The following NSA2 variants were observed in gnomAD, a reference collection of about 807,000 sequenced individuals.
NSA2 encodes the protein ribosome biogenesis protein NSA2 homolog.
NSA2 carries 18 observed loss-of-function variants against 34.8 expected under a neutral mutation model. The ratio of observed to expected loss-of-function variants is 0.52; its 90% CI spans 0.36 to 0.77. NSA2 has a LOEUF of 0.77. Ranked by LOEUF, NSA2 falls within the 30% of genes least tolerant of loss-of-function variation. NSA2 has a pLI of 0.00. For missense variants in NSA2, 188 were observed against 314.7 expected (o/e 0.60, Z 3.05); for synonymous variants, 79 against 100.2 (o/e 0.79, Z 1.26).
At position 74,779,720 on chromosome 5, in the gene NSA2, T is replaced by C. The variant is rs1416416366; in HGVS notation, c.*3049T>C. The C allele has an allele frequency of 6.6e-6, 1 of 152,162 alleles. No homozygotes were observed. Among genetic ancestry groups the C allele is most frequent in the Admixed American group, 6.5e-5 (1 of 15,268 alleles). The allele number at this position is 152,162 out of a possible 1,614,324, so 9.4% of individuals were successfully genotyped here. ...TGAAATAATCTGGCTTACCTTTGAC[T>C]AATTAAAGAAAATATAGGGTAATAC... On this transcript the variant is annotated 3_prime_UTR_variant, in exon 6 of 6. Transcript: ENST00000610426.
chr5:74,767,912 C>T (rs1216362086), intron 1 of NSA2, among the ~76,000 whole-genome samples: 2 of 152,190 alleles, frequency 1.3e-5, no homozygotes, highest in Non-Finnish European at 2.9e-5. Context: ...GTGATTGCTG[C>T]AAAGTTTATG....
At chr5:74,772,521 T>G (rs191761035) in intron 4 of NSA2, among the ~76,000 whole-genome samples, 2 of 152,304 alleles carry the variant, frequency 1.3e-5, no homozygotes, top group Admixed American at 1.3e-4. Flanking sequence ...ACATATTGCA[T>G]AACCCCTACC....
chr5:74,767,326 C>T lies in NSA2; in HGVS notation c.-35C>T. On this transcript the variant is annotated 5_prime_UTR_variant, in exon 1 of 6. Transcript: ENST00000610426. ...GAAAATTGAGAGCGTTTTCGCACTC[C>T]AGCGGCTGCTCCTGGCGGCTCTGCG... 1 of 1,613,432 alleles carries T rather than the reference C, an allele frequency of 6.2e-7. No individual in the cohort carries two copies. Among genetic ancestry groups the T allele is most frequent in the Non-Finnish European group, 8.5e-7 (1 of 1,179,576 alleles).
At position 74,777,683 on chromosome 5, in the gene NSA2, T is replaced by C. The variant is rs1298061082; in HGVS notation, c.*1012T>C. ...ATTCAATGTCTAAACAAATTCAGTA[T>C]CTGAAACATCTTCATGAGGAAAACT... On this transcript the variant is annotated 3_prime_UTR_variant, in exon 6 of 6. Transcript: ENST00000610426. The C allele has an allele frequency of 2.0e-5, 3 of 151,920 alleles. No homozygotes were observed. The highest frequency in any genetic ancestry group is 7.2e-5 in the African/African-American group (3 of 41,400). The allele number at this position is 151,920 out of a possible 1,614,324, so 9.4% of individuals were successfully genotyped here. A position where few individuals can be genotyped will look rare whatever the true frequency, so the allele number is the denominator to read the frequency against.
chr5:74,772,317 G>A lies in NSA2; in HGVS notation c.522+1507G>A, dbSNP rs190741775. ...TTTTTTTGTATTTTTTTGTAGAGAC[G>A]GGGTTTCACCGTGTTAGCCAGGATG... On this transcript the variant is annotated intron_variant, in intron 4 of 5. Transcript: ENST00000610426. Among the ~76,000 whole-genome samples, 21 of 152,048 alleles carry A rather than the reference G, an allele frequency of 1.4e-4. No homozygotes were observed. The East Asian group carries it at 2.3e-3, about 17-fold the overall frequency.
intron 3 of NSA2, among the ~76,000 whole-genome samples, chr5:74,770,048 C>T (rs750097083): frequency 2.5e-4 from 38 of 152,060 alleles, no homozygotes; most frequent in Non-Finnish European, 4.7e-4. Flanking sequence ...AAGTCACTAT[C>T]GGCTGGGCAC....
At position 74,777,211 on chromosome 5, in the gene NSA2, A is replaced by AAAC. The variant is rs1370754594; in HGVS notation, c.*542_*544dup. ...CAAAGGTCTAGTGAATTCACATTCTAAACATTTTTTTCATCTCATTTACCA... is the reference window on the plus strand; with the variant it reads ...CAAAGGTCTAGTGAATTCACATTCTAAACAACATTTTTTTCATCTCATTTACCA... On this transcript the variant is annotated 3_prime_UTR_variant, in exon 6 of 6. Coordinates refer to ENST00000610426, the MANE Select transcript of NSA2 (RefSeq NM_014886.6). 1 of 152,218 alleles carries AAAC rather than the reference A, an allele frequency of 6.6e-6. No homozygotes were observed. The highest frequency in any genetic ancestry group is 2.4e-5 in the African/African-American group (1 of 41,464). The allele number at this position is 152,218 out of a possible 1,614,324, so 9.4% of individuals were successfully genotyped here.
At chr5:74,768,549 C>T (rs1744797048) in intron 1 of NSA2, among the ~76,000 whole-genome samples, 2 of 152,174 alleles carry the variant, frequency 1.3e-5, no homozygotes, top group South Asian at 4.1e-4. Context: ...GAACTGTATA[C>T]CTAAAAAGGA....
At position 74,767,281 on chromosome 5, in the gene NSA2, C is replaced by T. The variant is rs1442582446; in HGVS notation, c.-80C>T. On this transcript the variant is annotated 5_prime_UTR_variant, in exon 1 of 6. Transcript: ENST00000610426. ...CCTGTCCCGGCCTGCGTGGTGTGGG[C>T]TTGTGGGTCTTTGAGACCCGAAAAT... is the stretch of plus-strand genomic sequence containing the variant. 1.9e-6 allele frequency: 3 copies of T among 1,575,394 alleles called. No individual in the cohort carries two copies. The highest frequency in any genetic ancestry group is 1.7e-6 in the Non-Finnish European group (2 of 1,146,382).
At position 74,776,969 on chromosome 5, in the gene NSA2, T is replaced by C. The variant is rs78395208; in HGVS notation, c.*298T>C. The C allele has an allele frequency of 5.9e-3, 1,317 of 221,586 alleles. 4 individuals carry two copies. Among genetic ancestry groups the C allele is most frequent in the Admixed American group, 8.9e-3 (160 of 18,078 alleles). The allele number at this position is 221,586 out of a possible 1,614,324, so 13.7% of individuals were successfully genotyped here. ...TTCCTGAAAAAACCACCAGTGTTCA[T>C]TGAAAATGCCTTTCAAAAAGGTTAA... On this transcript the variant is annotated 3_prime_UTR_variant, in exon 6 of 6. Coordinates refer to ENST00000610426, the MANE Select transcript of NSA2 (RefSeq NM_014886.6).
intron 3 of NSA2, 138 bp from the exon 4 acceptor site, chr5:74,770,493 G>C: frequency 1.6e-6 from 1 of 616,030 alleles, no homozygotes. Flanking sequence ...CAGACCTCTA[G>C]AAGACGGTTG....
intron 3 of NSA2, 99 bp downstream of exon 3, chr5:74,769,463 C>T: frequency 3.2e-5 from 31 of 961,552 alleles, no homozygotes; most frequent in Non-Finnish European, 4.7e-5. Flanking sequence ...ACATGAAGTA[C>T]AGCTATTATT....
rs1342755715 is a variant in NSA2 at position 74,779,579 on chromosome 5, A to G, written c.*2908A>G. 1 of 152,164 alleles carries G rather than the reference A, an allele frequency of 6.6e-6. No homozygotes were observed. Among genetic ancestry groups the G allele is most frequent in the Admixed American group, 6.5e-5 (1 of 15,278 alleles). 9.4% of individuals were successfully genotyped at this position (152,164 alleles called of 1,614,324 possible). On this transcript the variant is annotated 3_prime_UTR_variant, in exon 6 of 6. Transcript: ENST00000610426. ...ACAGAAGTTTCTCATAAAATGTATA[A>G]AACAGCATAAATGTTTGGTAGATTC...
At chr5:74,776,460 G>A (rs1279353886) in intron 5 of NSA2, 144 bp from the exon 6 acceptor site, 5 of 582,568 alleles carry the variant, frequency 8.6e-6, no homozygotes, top group African/African-American at 5.7e-5. Flanking sequence ...GCCAGATCAC[G>A]CCACCACACT....
At chr5:74,775,221 GTAA>G (rs1489400938) in intron 5 of NSA2, among the ~76,000 whole-genome samples, 3 of 151,474 alleles carry the variant, frequency 2.0e-5, no homozygotes, top group Non-Finnish European at 2.9e-5. Context: ...GTCTCAAAAA[GTAA>G]TAATAATAAT....
intron 1 of NSA2, among the ~76,000 whole-genome samples, chr5:74,768,429 T>C (rs1580049667): frequency 6.6e-6 from 1 of 152,210 alleles, no homozygotes; most frequent in South Asian, 2.1e-4. Flanking sequence ...AAACTGAGGG[T>C]TGGGAAAGAG....
At chr5:74,770,548 A>T (rs544720093) in intron 3 of NSA2, 83 bp from the exon 4 acceptor site, 48 of 1,132,628 alleles carry the variant, frequency 4.2e-5, no homozygotes, top group Middle Eastern at 4.2e-4. Flanking sequence ...TAGATCTATT[A>T]CTTTGTACAA....
At chr5:74,775,093 G>C (rs1745067239) in intron 5 of NSA2, among the ~76,000 whole-genome samples, 1 of 151,976 alleles carries the variant, frequency 6.6e-6, no homozygotes, top group African/African-American at 2.4e-5. Flanking sequence ...GCCCACACCT[G>C]TAATCCCAGC....
In NSA2 at chr5:74,777,678, C is replaced by G. The variant is rs1005087738; in HGVS notation, c.*1007C>G. ...AAGTCATTCAATGTCTAAACAAATT[C>G]AGTATCTGAAACATCTTCATGAGGA... On this transcript the variant is annotated 3_prime_UTR_variant, in exon 6 of 6. Coordinates refer to ENST00000610426, the MANE Select transcript of NSA2 (RefSeq NM_014886.6). The G allele has an allele frequency of 5.9e-5, 9 of 151,556 alleles. No individual in the cohort carries two copies. The allele number at this position is 151,556 out of a possible 1,614,324, so 9.4% of individuals were successfully genotyped here.
Sources: gnomAD v4.1 joint callset for allele counts (sites outside exome capture counted in the v4.1 genomes callset) on GRCh38, gnomAD v4.1.1 for gene constraint, MANE v1.5 for transcripts, NCBI Gene and HGNC (gene_info 2026-07-23, HGNC 2026-07-21) for gene names.